The following TEAD1 variants were observed in gnomAD, a reference collection of about 807,000 sequenced individuals.
TEAD1 encodes the protein TEA domain transcription factor 1, also known as transcriptional enhancer factor TEF-1.
TEAD1 carries 9 observed loss-of-function variants against 54.9 expected under a neutral mutation model. The observed-to-expected ratio is 0.16, with a 90% CI of 0.10 to 0.29. The LOEUF is 0.29. TEAD1 is among the 10% of genes least tolerant of loss of function. The pLI is 1.00. For missense variants in TEAD1, 387 were observed against 535.9 expected, an observed-to-expected ratio of 0.72 and a Z score of 2.74; for synonymous variants, 200 against 187.8, an observed-to-expected ratio of 1.07 and a Z score of -0.53.
chr11:12,928,718 C>T (rs1341797775), intron 11 of TEAD1, among the ~76,000 whole-genome samples: 2 of 151,994 alleles, frequency 1.3e-5, no homozygotes, highest in African/African-American at 2.4e-5. Context: ...TGTTTTTTAG[C>T]ATGTACTTTT....
chr11:12,835,855 G>A (rs772032593), intron 3 of TEAD1, among the ~76,000 whole-genome samples: 29 of 152,102 alleles, frequency 1.9e-4, no homozygotes, highest in Non-Finnish European at 3.4e-4. Context: ...AGAAAGGAGA[G>A]GTCTTAGTCA....
At chr11:12,881,120 C>T (rs1947957220) in intron 7 of TEAD1, 69 bp downstream of exon 7, 1 of 1,553,062 alleles carries the variant, frequency 6.4e-7, no homozygotes, top group African/African-American at 1.4e-5. Context: ...AGAGCTCTTC[C>T]TGGACCATAG....
chr11:12,790,703 A>G (rs1449773523), intron 3 of TEAD1, among the ~76,000 whole-genome samples: 1 of 152,234 alleles, frequency 6.6e-6, no homozygotes, highest in Non-Finnish European at 1.5e-5. Flanking sequence ...CTAAATAGAC[A>G]TCTCTGTTTA....
At chr11:12,700,605 T>A (rs1943679585) in intron 2 of TEAD1, among the ~76,000 whole-genome samples, 1 of 152,218 alleles carries the variant, frequency 6.6e-6, no homozygotes, top group Non-Finnish European at 1.5e-5. Flanking sequence ...GAAACTTTTT[T>A]TTCTATGATA....
chr11:12,827,927 G>C (rs554116925), intron 3 of TEAD1, among the ~76,000 whole-genome samples: 1 of 152,312 alleles, frequency 6.6e-6, no homozygotes, highest in South Asian at 2.1e-4. Flanking sequence ...ACCTTTAGCA[G>C]AAGTTGTTGT....
At chr11:12,870,476 G>C (rs112584477) in intron 5 of TEAD1, among the ~76,000 whole-genome samples, 72 of 138,748 alleles carry the variant, frequency 5.2e-4, no homozygotes, top group African/African-American at 1.0e-3. Context: ...ATGGAAAAAA[G>C]AAAAAAAAAA....
At chr11:12,893,664 C>T (rs1948245787) in intron 9 of TEAD1, among the ~76,000 whole-genome samples, 1 of 152,026 alleles carries the variant, frequency 6.6e-6, no homozygotes, top group Non-Finnish European at 1.5e-5. Context: ...AAGCAGCAGC[C>T]CCTCTGTAGA....
At chr11:12,824,542 C>A (rs1488247239) in intron 3 of TEAD1, among the ~76,000 whole-genome samples, 1 of 152,204 alleles carries the variant, frequency 6.6e-6, no homozygotes, top group Non-Finnish European at 1.5e-5. Context: ...TTGTTTCCAT[C>A]CGGGAACCAA....
intron 3 of TEAD1, among the ~76,000 whole-genome samples, chr11:12,779,598 C>G (rs1210554754): frequency 6.6e-6 from 1 of 152,182 alleles, no homozygotes. Context: ...TCTTTGAGAG[C>G]ACTATTACCC....
chr11:12,811,114 CG>C (rs754996261), intron 3 of TEAD1, among the ~76,000 whole-genome samples: 15 of 152,200 alleles, frequency 9.9e-5, no homozygotes, highest in Non-Finnish European at 2.1e-4. Context: ...GCTATGTCCA[CG>C]GCGATTGATT....
intron 10 of TEAD1, among the ~76,000 whole-genome samples, chr11:12,917,631 G>GAT (rs1948739527): frequency 6.6e-6 from 1 of 152,198 alleles, no homozygotes; most frequent in Non-Finnish European, 1.5e-5. Flanking sequence ...TTATTGAAGT[G>GAT]ATTTTCCTGT....
At chr11:12,894,829 A>G (rs909154450) in intron 9 of TEAD1, among the ~76,000 whole-genome samples, 1 of 152,216 alleles carries the variant, frequency 6.6e-6, no homozygotes, top group African/African-American at 2.4e-5. Context: ...CCGGAAAGTA[A>G]TAACAACAGC....
chr11:12,705,552 A>T (rs111848556), intron 2 of TEAD1, among the ~76,000 whole-genome samples: 2 of 152,106 alleles, frequency 1.3e-5, no homozygotes, highest in African/African-American at 4.8e-5. Context: ...AGTAAAACCA[A>T]TTCCTTCCAA....
intron 5 of TEAD1, among the ~76,000 whole-genome samples, chr11:12,877,975 T>C (rs1388459795): frequency 6.9e-6 from 1 of 143,906 alleles, no homozygotes; most frequent in East Asian, 2.0e-4. Flanking sequence ...TTTTTTTTTT[T>C]GTGTGTGTGT....
intron 2 of TEAD1, among the ~76,000 whole-genome samples, chr11:12,706,586 A>G (rs967951790): frequency 6.6e-6 from 1 of 152,230 alleles, no homozygotes; most frequent in Non-Finnish European, 1.5e-5. Flanking sequence ...TTCTGCTGCT[A>G]AAGTTGTTTA....
intron 10 of TEAD1, among the ~76,000 whole-genome samples, chr11:12,911,540 C>T (rs1056086762): frequency 2.0e-5 from 3 of 152,016 alleles, no homozygotes; most frequent in African/African-American, 4.8e-5. Flanking sequence ...TCTCAAAATG[C>T]GTTTTAAAGT....
At chr11:12,854,623 A>C (rs1324279763) in intron 3 of TEAD1, among the ~76,000 whole-genome samples, 1 of 151,672 alleles carries the variant, frequency 6.6e-6, no homozygotes, top group South Asian at 2.1e-4. Context: ...ACAGGGTCTC[A>C]CTCTGTTGTC....
At chr11:12,736,666 T>A (rs1590099449) in intron 2 of TEAD1, among the ~76,000 whole-genome samples, 1 of 152,210 alleles carries the variant, frequency 6.6e-6, no homozygotes, top group African/African-American at 2.4e-5. Flanking sequence ...CTTAATGGCC[T>A]TATGGAGTGC....
At chr11:12,916,732 C>CAGA (rs1252958452) in intron 10 of TEAD1, among the ~76,000 whole-genome samples, 7 of 152,306 alleles carry the variant, frequency 4.6e-5, no homozygotes, top group Admixed American at 4.6e-4. Flanking sequence ...GCAGCATTCA[C>CAGA]AGACGCCTGG....
Sources: gnomAD v4.1 joint callset for allele counts (sites outside exome capture counted in the v4.1 genomes callset) on GRCh38, gnomAD v4.1.1 for gene constraint, MANE v1.5 for transcripts, NCBI Gene and HGNC (gene_info 2026-07-23, HGNC 2026-07-21) for gene names.